The following PDE5A variants were observed in gnomAD, a reference collection of about 807,000 sequenced individuals.
The protein encoded by PDE5A is cGMP-specific 3',5'-cyclic phosphodiesterase.
Under a neutral mutation model 110.2 loss-of-function variants are expected in PDE5A, and 67 were observed. That is an observed-to-expected ratio of 0.61 (90% CI 0.50 to 0.75). PDE5A has a LOEUF of 0.75. Ranked by LOEUF, PDE5A falls within the 30% of genes least tolerant of loss-of-function variation. The pLI, the probability that PDE5A is intolerant of heterozygous loss-of-function variation, is 0.00. For synonymous variants in PDE5A, 328 were observed against 351.2 expected (o/e 0.93, Z 0.74); for missense variants, 862 against 1,045.1 (o/e 0.82, Z 2.42).
At chr4:119,511,283 G>C in intron 14 of PDE5A, 149 bp from the exon 15 acceptor site, 2 of 581,224 alleles carry the variant, frequency 3.4e-6, no homozygotes, top group Admixed American at 5.9e-5. Flanking sequence ...TGAGAAAAGT[G>C]TGAGATAATC....
At chr4:119,502,780 G>C (rs12510138) in intron 18 of PDE5A, 125 bp from the exon 19 acceptor site, 166,493 of 624,998 alleles carry the variant, frequency 0.27, 22,835 homozygotes, top group East Asian at 0.34. Flanking sequence ...GCAGCAGCTT[G>C]ATACCCGAAG....
At chr4:119,549,521 A>G (rs1186991478) in intron 9 of PDE5A, 1 of 152,202 alleles carries the variant, frequency 6.6e-6, no homozygotes, top group Non-Finnish European at 1.5e-5. Context: ...TTTATTAACA[A>G]GGAGATGAAA....
intron 3 of PDE5A, among the ~76,000 whole-genome samples, chr4:119,586,744 A>C (rs1452321500): frequency 6.6e-6 from 1 of 152,244 alleles, no homozygotes; most frequent in African/African-American, 2.4e-5. Flanking sequence ...CTATTAAATT[A>C]AAAATGTAAT....
chr4:119,497,092 C>T lies in PDE5A; in HGVS notation c.*1509G>A, dbSNP rs201198466. Reference sequence around the variant, plus strand: ...GACATAGATGGAAAACACATTTTGGCGAAAGGTCCTTGAGAATGCTGGATT... The same window carrying T: ...GACATAGATGGAAAACACATTTTGGTGAAAGGTCCTTGAGAATGCTGGATT... On this transcript the variant is annotated 3_prime_UTR_variant, in exon 21 of 21. Coordinates refer to ENST00000354960, the MANE Select transcript of PDE5A (RefSeq NM_001083.4). The T allele has an allele frequency of 3.3e-5, 5 of 151,948 alleles. No individual in the cohort carries two copies. The highest frequency in any genetic ancestry group is 5.9e-5 in the Non-Finnish European group (4 of 67,960). The allele number at this position is 151,948 out of a possible 1,614,324, so 9.4% of individuals were successfully genotyped here. A position where few individuals can be genotyped will look rare whatever the true frequency, so the allele number is the denominator to read the frequency against.
intron 3 of PDE5A, among the ~76,000 whole-genome samples, chr4:119,592,926 C>G (rs111946499): frequency 6.6e-6 from 1 of 152,064 alleles, no homozygotes; most frequent in East Asian, 1.9e-4. Context: ...GAGAGAGCTT[C>G]GGGCTATTTG....
intron 2 of PDE5A, among the ~76,000 whole-genome samples, chr4:119,598,440 C>CAATATACA (rs1239020218): frequency 6.6e-6 from 1 of 152,140 alleles, no homozygotes; most frequent in Non-Finnish European, 1.5e-5. Context: ...TAAAGGAGTT[C>CAATATACA]TAACCCCTCT....
Position 119,525,630 on chromosome 4 carries a change from C to G in PDE5A, c.1698G>C (p.Leu566=), listed in dbSNP as rs748634482. The G allele has an allele frequency of 3.7e-6, 6 of 1,613,130 alleles. No individual in the cohort carries two copies. The highest frequency in any genetic ancestry group is 5.1e-6 in the Non-Finnish European group (6 of 1,179,466). Residue 566 remains leucine, a synonymous_variant, in exon 12 of 21, where the codon CTG becomes CTC. Transcript: ENST00000354960. The surrounding 1 kb of genome is among the most constrained non-coding windows in gnomAD (Gnocchi z 4.3). ...TACACAGTGCTGTTTCCAGATCAGA[C>G]AGCTCAAAGTCACTGAAGCTAAAGT... ...ITDFSFSDFE[L]SDLETALCTI...
chr4:119,547,679 G>A (rs1040472625), intron 9 of PDE5A, among the ~76,000 whole-genome samples: 27 of 151,858 alleles, frequency 1.8e-4, no homozygotes, highest in Non-Finnish European at 3.2e-4. Flanking sequence ...ATTTAATTAT[G>A]ACTTTTGATT....
At chr4:119,570,434 G>A (rs1241853656) in intron 3 of PDE5A, among the ~76,000 whole-genome samples, 4 of 152,066 alleles carry the variant, frequency 2.6e-5, no homozygotes, top group African/African-American at 4.8e-5. Flanking sequence ...TCTCAGATAT[G>A]GGCACTCCAC....
chr4:119,547,437 A>G (rs1367864584), intron 9 of PDE5A, among the ~76,000 whole-genome samples: 1 of 151,318 alleles, frequency 6.6e-6, no homozygotes, highest in Non-Finnish European at 1.5e-5. Context: ...TTTTTCTTCT[A>G]CTTTCTTTCT....
At chr4:119,589,595 G>A (rs2389864) in intron 3 of PDE5A, among the ~76,000 whole-genome samples, 120,242 of 152,158 alleles carry the variant, frequency 0.79, 47,584 homozygotes, top group East Asian at 0.89. Context: ...AATAGCAGCC[G>A]TAAAAATTCA....
At chr4:119,595,064 T>C (rs1311179142) in intron 3 of PDE5A, among the ~76,000 whole-genome samples, 1 of 152,104 alleles carries the variant, frequency 6.6e-6, no homozygotes, top group African/African-American at 2.4e-5. Flanking sequence ...TACAAGAACA[T>C]TTAAAAACCT....
intron 8 of PDE5A, 42 bp from the exon 9 acceptor site, chr4:119,552,679 G>T: frequency 9.0e-7 from 1 of 1,106,910 alleles, no homozygotes; most frequent in South Asian, 1.5e-5. Context: ...AAATGGTAAA[G>T]AGATTGATTT....
intron 6 of PDE5A, among the ~76,000 whole-genome samples, chr4:119,560,614 A>G (rs1578776700): frequency 6.6e-6 from 1 of 152,268 alleles, no homozygotes; most frequent in African/African-American, 2.4e-5. Context: ...TATGAGGACT[A>G]TTTGTTTTTT....
chr4:119,560,194 T>C, intron 7 of PDE5A, 102 bp downstream of exon 7: 1 of 671,216 alleles, frequency 1.5e-6, no homozygotes, highest in Non-Finnish European at 2.5e-6. Flanking sequence ...GACAATAAAA[T>C]AATCTGTAGC....
In PDE5A at chr4:119,538,929, A is replaced by T. The variant is rs780783959; in HGVS notation, c.1632+31T>A. 10 of 1,537,746 alleles carry T rather than the reference A, an allele frequency of 6.5e-6. No individual in the cohort carries two copies. The East Asian group carries it at 1.8e-4, about 28-fold the overall frequency. ...TTGGTTAAATTAGGTGTCTGTAATT[A>T]GTAATTTTTAAAAAGAAAGAGGATA... On this transcript the variant is annotated intron_variant, in intron 11 of 20. Coordinates refer to ENST00000354960, the MANE Select transcript of PDE5A (RefSeq NM_001083.4).
chr4:119,619,555 C>A (rs912432902), intron 1 of PDE5A, among the ~76,000 whole-genome samples: 1 of 152,064 alleles, frequency 6.6e-6, no homozygotes, highest in African/African-American at 2.4e-5. Context: ...AACTTCTGTT[C>A]GAACCATTAA....
chr4:119,603,245 G>A (rs947396474), intron 2 of PDE5A, among the ~76,000 whole-genome samples: 18 of 152,226 alleles, frequency 1.2e-4, no homozygotes, highest in African/African-American at 1.7e-4. Context: ...GTGCCAAGCC[G>A]GCTGCAGTGG....
chr4:119,582,402 C>G (rs1396366855), intron 3 of PDE5A, among the ~76,000 whole-genome samples: 1 of 152,198 alleles, frequency 6.6e-6, no homozygotes, highest in African/African-American at 2.4e-5. Flanking sequence ...GGTATTTCCA[C>G]AAGATCTGCA....
Sources: gnomAD v4.1 joint callset for allele counts (sites outside exome capture counted in the v4.1 genomes callset) on GRCh38, gnomAD v4.1.1 for gene constraint, Gnocchi (gnomAD v3.1) non-coding constraint, MANE v1.5 for transcripts, NCBI Gene and HGNC (gene_info 2026-07-23, HGNC 2026-07-21) for gene names.